Variants in INTS1 observed in about 807,000 individuals in gnomAD.
The protein encoded by INTS1 is integrator complex subunit 1.
INTS1 carries 137 observed loss-of-function variants against 241.6 expected under a neutral mutation model. The ratio of observed to expected loss-of-function variants is 0.57; its 90% CI spans 0.49 to 0.65. INTS1 has a LOEUF of 0.65. INTS1 is among the 30% of genes least tolerant of loss of function. The pLI is 0.00. For synonymous variants in INTS1, 1,692 were observed against 1,337.8 expected (o/e 1.26, Z -5.78); for missense variants, 3,073 against 3,032.2 (o/e 1.01, Z -0.32).
intron 29 of INTS1, 116 bp from the exon 30 acceptor site, chr7:1,480,557 T>C: frequency 1.7e-6 from 2 of 1,191,304 alleles, no homozygotes; most frequent in Non-Finnish European, 2.3e-6. Flanking sequence ...GAGGAAGAGC[T>C]CAGACCTGGG....
chr7:1,493,260 T>C lies in INTS1; in HGVS notation c.2069-154A>G, dbSNP rs1242408353. On this transcript the variant is annotated intron_variant, in intron 15 of 47. Transcript: ENST00000404767. The surrounding 1 kb of genome is among the most constrained non-coding windows in gnomAD (Gnocchi z 5.3). The stretch of plus-strand genomic sequence containing the variant: ...CTGAGCAGGAGAGCTGGGGGAAGCT[T>C]GGCTTCTCACTGGGAAACAGGGCAC... 6.6e-6 allele frequency among the ~76,000 whole-genome samples: 1 copy of C among 151,002 alleles called. No individual in the cohort carries two copies. The highest frequency in any genetic ancestry group is 2.4e-5 in the African/African-American group (1 of 40,998).
chr7:1,471,311 C>T (rs928537613), intron 45 of INTS1, 87 bp from the exon 46 acceptor site: 4 of 1,369,116 alleles, frequency 2.9e-6, no homozygotes, highest in South Asian at 1.3e-5. Flanking sequence ...TGATGGTTGG[C>T]GGCAACGGCA....
chr7:1,490,353 C>G (rs1360280985), intron 16 of INTS1, among the ~76,000 whole-genome samples: 1 of 152,080 alleles, frequency 6.6e-6, no homozygotes, highest in Non-Finnish European at 1.5e-5. Context: ...AAGGGACGCC[C>G]CTGAAAGGGT....
chr7:1,489,423 TGGGGC>T lies in INTS1; in HGVS notation c.2258-24_2258-20del. 1 of 1,600,930 alleles carries T rather than the reference TGGGGC, an allele frequency of 6.2e-7. No homozygotes were observed. The stretch of plus-strand genomic sequence containing the variant: ...GCCAGGCCTAGGGAACCGGAGGGTG[TGGGGC>T]TGGCCAGGCTCCCCTGGGCACCAGG... On this transcript the variant is annotated intron_variant, in intron 17 of 47. Coordinates refer to ENST00000404767, the MANE Select transcript of INTS1 (RefSeq NM_001080453.3).
chr7:1,476,168 G>A, intron 38 of INTS1, 61 bp downstream of exon 38: 1 of 1,527,566 alleles, frequency 6.5e-7, no homozygotes, highest in Non-Finnish European at 8.8e-7. Flanking sequence ...CCCAGGGCTG[G>A]GCCTCGACCC....
intron 30 of INTS1, 32 bp from the exon 31 acceptor site, chr7:1,479,716 G>A: frequency 2.1e-6 from 3 of 1,446,880 alleles, no homozygotes; most frequent in Non-Finnish European, 2.7e-6. Context: ...TCAGGAGGAA[G>A]CGGAGGAGAA....
intron 24 of INTS1, 93 bp from the exon 25 acceptor site, chr7:1,484,263 G>T (rs979864034): frequency 7.4e-7 from 1 of 1,348,636 alleles, no homozygotes; most frequent in South Asian, 1.4e-5. Flanking sequence ...CTCTCACTGG[G>T]ATCTTAAGCA....
rs938355579 is a variant in INTS1 at position 1,498,482 on chromosome 7, C to T, written c.1355G>A (p.Ser452Asn). The T allele has an allele frequency of 1.2e-6, 2 of 1,613,860 alleles. No homozygotes were observed. The highest frequency in any genetic ancestry group is 8.5e-7 in the Non-Finnish European group (1 of 1,179,894). The change falls in exon 10 of 48, where the codon AGC (serine) becomes AAC (asparagine). Residue 452 changes from serine (S) to asparagine (N), a missense_variant. Physicochemically the swap from Ser to Asn is conservative, Grantham distance 46. Transcript: ENST00000404767. ...IKLVIFNELS[S>N]ARNPNNMQVL... is the part of the protein sequence containing the mutation. ...CTGCATGTTGTTCGGGTTCCGGGCG[C>T]TGGAGAGCTCATTGAAGATCACCAA...
At chr7:1,479,956 G>C (rs1416204984) in intron 30 of INTS1, among the ~76,000 whole-genome samples, 2 of 152,158 alleles carry the variant, frequency 1.3e-5, no homozygotes, top group Non-Finnish European at 2.9e-5. Flanking sequence ...TCAGGAGGTG[G>C]TGAGGCCTGC....
chr7:1,486,881 G>A (rs1343711169), intron 21 of INTS1, 41 bp downstream of exon 21: 33 of 1,586,826 alleles, frequency 2.1e-5, no homozygotes, highest in African/African-American at 6.7e-5. Context: ...ACAGGGGTGC[G>A]GGGTGAGAGG....
chr7:1,470,710 C>A lies in INTS1; in HGVS notation c.6458-18G>T, dbSNP rs1235032801. On this transcript the variant is annotated intron_variant, in intron 47 of 47. Transcript: ENST00000404767. ...CGCGTGCTCTGTGGGGGAAACGGGG[C>A]CCTGCACGTCACGCTGGCCACAACA... The A allele has an allele frequency of 6.6e-7, 1 of 1,517,892 alleles. No homozygotes were observed. Among genetic ancestry groups the A allele is most frequent in the Non-Finnish European group, 8.9e-7 (1 of 1,127,284 alleles). 94.0% of individuals were successfully genotyped at this position (1,517,892 alleles called of 1,614,324 possible). A position where few individuals can be genotyped will look rare whatever the true frequency, so the allele number is the denominator to read the frequency against.
At position 1,487,383 on chromosome 7, in the gene INTS1, G is replaced by A. The variant is rs779747063; in HGVS notation, c.2583C>T (p.Arg861=). 2 of 1,611,740 alleles carry A rather than the reference G, an allele frequency of 1.2e-6. No homozygotes were observed. The highest frequency in any genetic ancestry group is 2.2e-5 in the South Asian group (2 of 90,686). The change falls in exon 20 of 48, where the codon CGC becomes CGT. Residue 861 remains arginine, a synonymous_variant. Transcript: ENST00000404767. ...GGCTGCGGCACAAGAGGTGCCCGAG[G>A]CGGAGGGACTGGTTGAGGCTTTTCA... The part of the protein sequence containing the change: ...DQVKSLNQSL[R]LGHLLCRSRN...
chr7:1,471,659 C>T lies in INTS1; in HGVS notation c.6185-18G>A, dbSNP rs1398885279. 3 of 1,611,340 alleles carry T rather than the reference C, an allele frequency of 1.9e-6. No individual in the cohort carries two copies. The highest frequency in any genetic ancestry group is 2.5e-6 in the Non-Finnish European group (3 of 1,179,240). Reference sequence around the variant, plus strand: ...CAGCAGATCTGACACAGAGAGAGGGCCAGACCAGAACTGAAGGGCCCAGGC... The same window carrying T: ...CAGCAGATCTGACACAGAGAGAGGGTCAGACCAGAACTGAAGGGCCCAGGC... On this transcript the variant is annotated intron_variant, in intron 44 of 47. Coordinates refer to ENST00000404767, the MANE Select transcript of INTS1 (RefSeq NM_001080453.3).
intron 35 of INTS1, 47 bp from the exon 36 acceptor site, chr7:1,476,965 C>T: frequency 6.3e-7 from 1 of 1,576,890 alleles, no homozygotes; most frequent in Admixed American, 1.8e-5. Flanking sequence ...GGGCCAATGG[C>T]AGGCTCTGCT....
rs760600129 is a variant in INTS1, at chr7:1,500,356, C to T, written c.360G>A (p.Thr120=). The part of the protein sequence containing the change: ...PSVVPIEVLP[T]VLLDEIEAAE... ...CCGCCTCGATCTCATCCAGCAGCAC[C>T]GTGGGCAGCACTGGCCGGGGCAGGC... is the stretch of plus-strand genomic sequence containing the variant. Residue 120 remains threonine, a synonymous_variant, in exon 4 of 48, where the codon ACG becomes ACA. Transcript: ENST00000404767. 2.0e-5 allele frequency: 31 copies of T among 1,575,024 alleles called. No homozygotes were observed. Among genetic ancestry groups the T allele is most frequent in the South Asian group, 6.8e-5 (6 of 88,256 alleles).
At chr7:1,498,894 G>A (rs375571489) in intron 8 of INTS1, 42 bp from the exon 9 acceptor site, 146 of 1,558,858 alleles carry the variant, frequency 9.4e-5, no homozygotes, top group East Asian at 4.3e-4. Context: ...CGGCCACCCC[G>A]GCAGGAAGAC....
intron 12 of INTS1, 150 bp downstream of exon 12, chr7:1,496,006 A>C: frequency 3.1e-6 from 2 of 637,482 alleles, no homozygotes; most frequent in Non-Finnish European, 5.6e-6. Context: ...CGGGGACGGC[A>C]GCTTCCAGGC....
intron 3 of INTS1, among the ~76,000 whole-genome samples, chr7:1,502,587 C>T (rs929500401): frequency 6.6e-6 from 1 of 152,122 alleles, no homozygotes; most frequent in African/African-American, 2.4e-5. Flanking sequence ...GGTGTCGTCA[C>T]GCCCGGTTTA....
rs773264402 is a variant in INTS1, at chr7:1,487,315, C to T, written c.2646+5G>A. 9.4e-6 allele frequency: 15 copies of T among 1,588,418 alleles called. No individual in the cohort carries two copies. In the Admixed American group the frequency reaches 2.7e-4, roughly 28 times the overall value. ...ATCTCTACCTCCTGGAGCCTCGGCA[C>T]TCACCTGCCGCTGGATGATGTGGAG... is the stretch of plus-strand genomic sequence containing the variant. On this transcript the variant is annotated splice_donor_5th_base_variant and intron_variant, in intron 20 of 47. Transcript: ENST00000404767.
Sources: allele counts gnomAD v4.1 joint callset (sites outside exome capture counted in the v4.1 genomes callset), GRCh38; gene constraint gnomAD v4.1.1; non-coding constraint Gnocchi (gnomAD v3.1); transcripts MANE v1.5; gene names NCBI Gene and HGNC (gene_info 2026-07-23, HGNC 2026-07-21).